Variants in OSBPL1A observed in about 807,000 individuals in gnomAD.
OSBPL1A encodes the protein oxysterol-binding protein-related protein 1.
A neutral mutation model predicts 137.1 loss-of-function variants in OSBPL1A; 80 were observed. The observed-to-expected ratio is 0.58, with a 90% confidence interval of 0.49 to 0.70. The LOEUF is 0.70. OSBPL1A is among the 30% of genes least tolerant of loss of function. OSBPL1A has a pLI of 0.00. For synonymous variants in OSBPL1A, 365 were observed against 389.7 expected (o/e 0.94, Z 0.75); for missense variants, 970 against 1,129.4 (o/e 0.86, Z 2.02).
At chr18:24,318,546 A>T in intron 9 of OSBPL1A, 55 bp downstream of exon 9, 13 of 1,398,524 alleles carry the variant, frequency 9.3e-6, no homozygotes, top group African/African-American at 1.5e-5. Flanking sequence ...ACAGAAATAG[A>T]GCACCTGAGA....
intron 5 of OSBPL1A, among the ~76,000 whole-genome samples, chr18:24,336,964 T>G (rs753222117): frequency 5.9e-5 from 9 of 152,184 alleles, no homozygotes; most frequent in Non-Finnish European, 4.4e-5. Flanking sequence ...GGTCATTTAT[T>G]AATTACAAAG....
chr18:24,176,974 G>A (rs1289581571), intron 21 of OSBPL1A, among the ~76,000 whole-genome samples: 1 of 152,202 alleles, frequency 6.6e-6, no homozygotes, highest in Non-Finnish European at 1.5e-5. Context: ...GGCAAGCTGG[G>A]GTTTGAGCCT....
chr18:24,358,518 C>T, intron 4 of OSBPL1A: 1 of 702,324 alleles, frequency 1.4e-6, no homozygotes, highest in Non-Finnish European at 2.6e-6. Context: ...AGATCTAGAA[C>T]AAATTATATG....
At chr18:24,359,122 G>GT (rs2091582677) in intron 4 of OSBPL1A, among the ~76,000 whole-genome samples, 1 of 152,102 alleles carries the variant, frequency 6.6e-6, no homozygotes, top group African/African-American at 2.4e-5. Context: ...GGAGGCTAGG[G>GT]TGGGAGGATC....
intron 4 of OSBPL1A, among the ~76,000 whole-genome samples, chr18:24,342,208 G>C (rs1426756982): frequency 6.6e-6 from 1 of 152,134 alleles, no homozygotes; most frequent in Non-Finnish European, 1.5e-5. Flanking sequence ...CAGTCTCCTG[G>C]AGTCAATATT....
intron 14 of OSBPL1A, among the ~76,000 whole-genome samples, chr18:24,288,799 C>T (rs2090120277): frequency 1.3e-5 from 2 of 151,106 alleles, no homozygotes; most frequent in African/African-American, 4.9e-5. Flanking sequence ...GGCAGTGTGT[C>T]CAGCCAAGAA....
intron 16 of OSBPL1A, 33 bp from the exon 17 acceptor site, chr18:24,225,231 G>C (rs1470471715): frequency 3.1e-6 from 5 of 1,611,042 alleles, no homozygotes; most frequent in Non-Finnish European, 4.2e-6. Flanking sequence ...TTAATGAATT[G>C]AACTTGGGTG....
At chr18:24,287,131 C>T (rs981132938) in intron 14 of OSBPL1A, among the ~76,000 whole-genome samples, 5 of 152,148 alleles carry the variant, frequency 3.3e-5, no homozygotes, top group Non-Finnish European at 7.3e-5. Context: ...TACTCTCTTG[C>T]AAAAGAGAAT....
intron 21 of OSBPL1A, among the ~76,000 whole-genome samples, chr18:24,172,842 C>G (rs558779167): frequency 1.3e-5 from 2 of 152,220 alleles, no homozygotes; most frequent in African/African-American, 2.4e-5. Context: ...AAAGTACCCT[C>G]CAGCTCACCA....
intron 18 of OSBPL1A, among the ~76,000 whole-genome samples, chr18:24,190,490 C>T (rs180398): frequency 6.6e-6 from 1 of 152,000 alleles, no homozygotes; most frequent in Non-Finnish European, 1.5e-5. Context: ...AGCAAAGCCT[C>T]TTTTACTCAA....
intron 15 of OSBPL1A, among the ~76,000 whole-genome samples, chr18:24,242,816 T>G (rs1232707318): frequency 6.6e-6 from 1 of 152,186 alleles, no homozygotes; most frequent in Admixed American, 6.5e-5. Context: ...AAATTACTCA[T>G]GTAATTACAA....
chr18:24,368,045 AC>A, intron 3 of OSBPL1A: 2 of 299,816 alleles, frequency 6.7e-6, no homozygotes, highest in Non-Finnish European at 1.2e-5. Flanking sequence ...TAATATGCCT[AC>A]TTTTATTATT....
intron 15 of OSBPL1A, among the ~76,000 whole-genome samples, chr18:24,264,336 A>G (rs2089517123): frequency 6.6e-6 from 1 of 152,150 alleles, no homozygotes; most frequent in Non-Finnish European, 1.5e-5. Context: ...AGGATTATAT[A>G]AAGGGGAGTA....
Position 24,312,027 on chromosome 18 carries a change from T to C in OSBPL1A, c.1049A>G (p.Glu350Gly), listed in dbSNP as rs756283939. The C allele has an allele frequency of 6.2e-7, 1 of 1,614,120 alleles. No individual in the cohort carries two copies. Among genetic ancestry groups the C allele is most frequent in the Non-Finnish European group, 8.5e-7 (1 of 1,179,968 alleles). Residue 350 changes from glutamate (E) to glycine (G), a missense_variant, in exon 13 of 28, where the codon GAG becomes GGG. By Grantham distance (98) the Glu-to-Gly change is moderately conservative. Coordinates refer to ENST00000319481, the MANE Select transcript of OSBPL1A (RefSeq NM_080597.4). ...GTCTGCAGCAGAAACCGTATCTTCC[T>C]CCTCCTCATCAGTCAGCTGGTCCTG... ...CSQDQLTDEE[E>G]EDTVSAADLK...
At chr18:24,200,251 C>T (rs959290105) in intron 17 of OSBPL1A, among the ~76,000 whole-genome samples, 12 of 152,026 alleles carry the variant, frequency 7.9e-5, no homozygotes, top group African/African-American at 2.9e-4. Flanking sequence ...CATTTTACAA[C>T]TGATGTTAAT....
intron 13 of OSBPL1A, chr18:24,311,449 A>C (rs944921955): frequency 1.0e-6 from 1 of 985,318 alleles, no homozygotes; most frequent in Non-Finnish European, 1.2e-6. Context: ...TTTCATTTCA[A>C]TTACCTATGC....
chr18:24,395,779 G>A (rs878945181), intron 1 of OSBPL1A, among the ~76,000 whole-genome samples: 4 of 151,480 alleles, frequency 2.6e-5, no homozygotes, highest in East Asian at 2.0e-4. Context: ...CCACTACCAC[G>A]CCCGGCTAAT....
At chr18:24,382,047 T>G (rs1906622534) in intron 1 of OSBPL1A, among the ~76,000 whole-genome samples, 1 of 151,608 alleles carries the variant, frequency 6.6e-6, no homozygotes, top group Non-Finnish European at 1.5e-5. Context: ...TTAAAAATAT[T>G]ACAGAAGACC....
At chr18:24,389,471 C>T (rs1221145383) in intron 1 of OSBPL1A, among the ~76,000 whole-genome samples, 1 of 152,142 alleles carries the variant, frequency 6.6e-6, no homozygotes, top group Non-Finnish European at 1.5e-5. Flanking sequence ...ATAGTCTATG[C>T]CACTGAATCC....
Sources: gnomAD v4.1 joint callset for allele counts (sites outside exome capture counted in the v4.1 genomes callset) on GRCh38, gnomAD v4.1.1 for gene constraint, MANE v1.5 for transcripts, NCBI Gene and HGNC (gene_info 2026-07-23, HGNC 2026-07-21) for gene names.